The following LUZP2 variants were observed in gnomAD, a reference collection of about 807,000 sequenced individuals.
LUZP2 encodes the protein leucine zipper protein 2.
A neutral mutation model predicts 51.6 loss-of-function variants in LUZP2; 52 were observed. The ratio of observed to expected loss-of-function variants is 1.01; its 90% CI spans 0.81 to 1.27. LUZP2 has a LOEUF of 1.27. Among genes scored for constraint, LUZP2 ranks in the 50% most tolerant of loss-of-function variants. The pLI, the probability that LUZP2 is intolerant of heterozygous loss-of-function variation, is 0.00. For missense variants in LUZP2, 436 were observed against 395.4 expected, an observed-to-expected ratio of 1.10 and a Z score of -0.87; for synonymous variants, 154 against 137.3, an observed-to-expected ratio of 1.12 and a Z score of -0.85.
intron 5 of LUZP2, among the ~76,000 whole-genome samples, chr11:24,862,886 G>A (rs968733140): frequency 4.0e-5 from 6 of 151,886 alleles, no homozygotes; most frequent in African/African-American, 1.5e-4. Flanking sequence ...AATAGCAATG[G>A]GCAATAAATA....
chr11:24,702,969 A>G (rs1002689751), intron 1 of LUZP2, among the ~76,000 whole-genome samples: 1 of 152,194 alleles, frequency 6.6e-6, no homozygotes, highest in African/African-American at 2.4e-5. Flanking sequence ...CTTTCTTCAC[A>G]AGTAATTATA....
intron 1 of LUZP2, among the ~76,000 whole-genome samples, chr11:24,581,940 C>T (rs1051994796): frequency 2.0e-5 from 3 of 152,012 alleles, no homozygotes; most frequent in African/African-American, 7.3e-5. Context: ...CTTTGTTCAG[C>T]TTGACTCCAA....
intron 5 of LUZP2, among the ~76,000 whole-genome samples, chr11:24,850,471 T>G (rs1013507161): frequency 3.9e-5 from 6 of 152,150 alleles, no homozygotes; most frequent in Non-Finnish European, 7.3e-5. Context: ...TTCTGTTCCA[T>G]TGGTCTATAT....
At chr11:24,941,977 G>C (rs1056202617) in intron 7 of LUZP2, among the ~76,000 whole-genome samples, 4 of 151,716 alleles carry the variant, frequency 2.6e-5, no homozygotes, top group African/African-American at 9.7e-5. Flanking sequence ...GCCTCTTCTA[G>C]AACATCACGA....
chr11:24,574,211 C>CCTTCCTTT (rs1301811202), intron 1 of LUZP2, among the ~76,000 whole-genome samples: 395 of 6,050 alleles, frequency 0.065, 4 homozygotes, highest in African/African-American at 0.076. Flanking sequence ...TTTCTTCCTT[C>CCTTCCTTT]CTTTCTTTCT....
At chr11:24,819,935 G>C (rs925687806) in intron 5 of LUZP2, among the ~76,000 whole-genome samples, 1 of 152,006 alleles carries the variant, frequency 6.6e-6, no homozygotes, top group Non-Finnish European at 1.5e-5. Flanking sequence ...TATGTTATAG[G>C]CATTAAATTT....
chr11:24,802,460 G>GTTTTTTTTT (rs543693071), intron 5 of LUZP2, among the ~76,000 whole-genome samples: 1 of 147,496 alleles, frequency 6.8e-6, no homozygotes. Context: ...CACTGCCACT[G>GTTTTTTTTT]TTTTTTTTTT....
intron 5 of LUZP2, among the ~76,000 whole-genome samples, chr11:24,861,381 A>T (rs1333803898): frequency 2.0e-5 from 3 of 152,220 alleles, no homozygotes; most frequent in African/African-American, 7.2e-5. Context: ...AAATGTAAGG[A>T]TGTAAGAATG....
intron 9 of LUZP2, among the ~76,000 whole-genome samples, chr11:24,992,199 T>A (rs1856369800): frequency 6.6e-6 from 1 of 152,112 alleles, no homozygotes; most frequent in Admixed American, 6.6e-5. Context: ...TTCCATTGCA[T>A]CACCAATACT....
chr11:24,542,383 A>G (rs1005705109), intron 1 of LUZP2, among the ~76,000 whole-genome samples: 1 of 152,074 alleles, frequency 6.6e-6, no homozygotes. Context: ...TCATACCCAC[A>G]CCTGATGCTT....
intron 7 of LUZP2, among the ~76,000 whole-genome samples, chr11:24,924,000 A>G (rs1327564090): frequency 1.3e-5 from 2 of 151,940 alleles, no homozygotes; most frequent in African/African-American, 2.4e-5. Context: ...CGTTTAAAAT[A>G]TGGATTCAGT....
intron 5 of LUZP2, among the ~76,000 whole-genome samples, chr11:24,851,513 T>C (rs1436789753): frequency 6.6e-6 from 1 of 152,204 alleles, no homozygotes; most frequent in Admixed American, 6.5e-5. Flanking sequence ...GCCAGTATTT[T>C]ATTGAGGATT....
At chr11:24,719,095 C>A (rs1328651113) in intron 1 of LUZP2, among the ~76,000 whole-genome samples, 5 of 152,052 alleles carry the variant, frequency 3.3e-5, no homozygotes, top group Admixed American at 1.3e-4. Context: ...CTTGACATGG[C>A]CGAAGGGGCT....
chr11:24,750,796 G>T (rs1325586844), intron 4 of LUZP2, among the ~76,000 whole-genome samples: 1 of 151,964 alleles, frequency 6.6e-6, no homozygotes, highest in Non-Finnish European at 1.5e-5. Context: ...ACACATACAT[G>T]TATAAATATA....
chr11:24,644,801 G>T (rs1022075101), intron 1 of LUZP2, among the ~76,000 whole-genome samples: 3 of 152,056 alleles, frequency 2.0e-5, no homozygotes, highest in African/African-American at 7.2e-5. Flanking sequence ...TTTGTCTGGG[G>T]TTCTTAATTT....
chr11:24,807,060 G>C (rs1315124345), intron 5 of LUZP2, among the ~76,000 whole-genome samples: 3 of 141,348 alleles, frequency 2.1e-5, no homozygotes, highest in South Asian at 4.6e-4. Context: ...ATACGGTCTA[G>C]ATACTTTAGA....
intron 5 of LUZP2, among the ~76,000 whole-genome samples, chr11:24,858,433 A>G (rs1851634707): frequency 6.6e-6 from 1 of 152,182 alleles, no homozygotes; most frequent in South Asian, 2.1e-4. Flanking sequence ...ACTTACTTGG[A>G]CACAGTTGTT....
At chr11:24,514,736 T>C (rs1278248390) in intron 1 of LUZP2, among the ~76,000 whole-genome samples, 1 of 152,188 alleles carries the variant, frequency 6.6e-6, no homozygotes, top group Non-Finnish European at 1.5e-5. Context: ...TAAGATTACA[T>C]GAATCTATTT....
intron 3 of LUZP2, 34 bp downstream of exon 3, chr11:24,732,222 C>T: frequency 6.7e-7 from 1 of 1,484,858 alleles, no homozygotes; most frequent in Non-Finnish European, 9.3e-7. Context: ...GTTATTTCTG[C>T]CATAGTGTCA....
Sources: gnomAD v4.1 joint callset for allele counts (sites outside exome capture counted in the v4.1 genomes callset) on GRCh38, gnomAD v4.1.1 for gene constraint, MANE v1.5 for transcripts, NCBI Gene and HGNC (gene_info 2026-07-23, HGNC 2026-07-21) for gene names.